The following PSMC6 variants were observed in gnomAD, a reference collection of about 807,000 sequenced individuals.
The protein encoded by PSMC6 is proteasome 26S subunit, ATPase 6.
PSMC6 carries 3 observed loss-of-function variants against 55.9 expected under a neutral mutation model. That is an observed-to-expected ratio of 0.05 (90% CI 0.02 to 0.14). PSMC6 has a LOEUF of 0.14. Among genes scored for constraint, PSMC6 ranks in the 10% least tolerant of loss-of-function variants. The probability of loss-of-function intolerance (pLI) is 1.00; values close to 1 mark genes in which losing one functional copy is unlikely to be tolerated. For synonymous variants in PSMC6, 137 were observed against 155.9 expected (o/e 0.88, Z 0.90); for missense variants, 210 against 478.7 (o/e 0.44, Z 5.24).
intron 4 of PSMC6, 152 bp downstream of exon 4, chr14:52,708,968 T>C: frequency 1.8e-6 from 2 of 1,126,826 alleles, no homozygotes; most frequent in Non-Finnish European, 2.4e-6. Flanking sequence ...TAACAAAGCC[T>C]GAATTCAAAC....
Position 52,708,366 on chromosome 14 carries a change from A to G in PSMC6, c.143A>G (p.Lys48Arg). ...KQYEKSENDL[K>R]ALQSVGQIVG... ...TATGAAAAGTCTGAAAATGATCTGA[A>G]GGCCCTACAGAGTGTTGGGCAGGTA... The change falls in exon 2 of 14, where the codon AAG becomes AGG. Residue 48 changes from lysine to arginine, a missense_variant. Coordinates refer to ENST00000445930, the MANE Select transcript of PSMC6 (RefSeq NM_002806.5). 6.2e-7 allele frequency: 1 copy of G among 1,613,594 alleles called. No homozygotes were observed. The highest frequency in any genetic ancestry group is 1.1e-5 in the South Asian group (1 of 91,070).
intron 10 of PSMC6, among the ~76,000 whole-genome samples, chr14:52,719,554 A>G (rs1472462263): frequency 6.6e-6 from 1 of 152,230 alleles, no homozygotes; most frequent in Non-Finnish European, 1.5e-5. Context: ...ATTCTGTGAA[A>G]GTGATATCAA....
chr14:52,724,655 CTG>C (rs1880331759), intron 13 of PSMC6, among the ~76,000 whole-genome samples: 1 of 152,096 alleles, frequency 6.6e-6, no homozygotes, highest in Non-Finnish European at 1.5e-5. Context: ...ATATAATTCT[CTG>C]TGGATTGTGT....
In PSMC6 at chr14:52,728,237, A is replaced by T. The variant is rs1028974822; in HGVS notation, c.*620A>T. 2 of 152,270 alleles carry T rather than the reference A, an allele frequency of 1.3e-5. No individual in the cohort carries two copies. Among genetic ancestry groups the T allele is most frequent in the African/African-American group, 4.8e-5 (2 of 41,454 alleles). The allele number at this position is 152,270 out of a possible 1,614,324, so 9.4% of individuals were successfully genotyped here. ...ACTGTGATTAAGCTCATTGTTGGTT[A>T]ATTGAAAATATACATGCACATCCAT... On this transcript the variant is annotated 3_prime_UTR_variant, in exon 14 of 14. Coordinates refer to ENST00000445930, the MANE Select transcript of PSMC6 (RefSeq NM_002806.5).
chr14:52,718,380 T>G, intron 9 of PSMC6, 28 bp downstream of exon 9: 2 of 1,589,390 alleles, frequency 1.3e-6, no homozygotes, highest in Non-Finnish European at 1.7e-6. Flanking sequence ...GTTGAAAGTT[T>G]TAGGACTTTT....
chr14:52,724,057 T>G, intron 13 of PSMC6, 21 bp downstream of exon 13: 8 of 1,596,186 alleles, frequency 5.0e-6, no homozygotes, highest in Non-Finnish European at 6.9e-6. Flanking sequence ...AAAGTACAGT[T>G]TTACTATTGA....
At chr14:52,708,612 CAGAG>C (rs113460170) in intron 3 of PSMC6, 90 bp downstream of exon 3, 19 of 1,520,944 alleles carry the variant, frequency 1.2e-5, no homozygotes, top group Admixed American at 5.6e-5. Flanking sequence ...GACAATAATG[CAGAG>C]AGAGAGAGTA....
At position 52,713,900 on chromosome 14, in the gene PSMC6, C is replaced by G. The variant is rs753642513; in HGVS notation, c.461C>G (p.Thr154Arg). The G allele has an allele frequency of 6.3e-7, 1 of 1,593,936 alleles. No individual in the cohort carries two copies. The highest frequency in any genetic ancestry group is 8.6e-7 in the Non-Finnish European group (1 of 1,166,776). ...ELREVIELPL[T>R]NPELFQRVGI... ...TTCTAGGTGATAGAATTACCTCTTA[C>G]AAACCCAGAGTTATTTCAGCGTGTA... The change falls in exon 7 of 14, where the codon ACA (threonine) becomes AGA (arginine). Residue 154 changes from threonine (T) to arginine (R), a missense_variant. Transcript: ENST00000445930.
intron 10 of PSMC6, among the ~76,000 whole-genome samples, chr14:52,720,367 C>CAAAAAAAAAAAAAAAAA (rs71444775): frequency 2.4e-5 from 1 of 41,482 alleles, no homozygotes; most frequent in African/African-American, 8.9e-5. Flanking sequence ...AACTCTGTCT[C>CAAAAAAAAAAAAAAAAA]AAAAAAAAAA....
intron 13 of PSMC6, 42 bp from the exon 14 acceptor site, chr14:52,727,457 C>A: frequency 8.3e-7 from 1 of 1,200,132 alleles, no homozygotes; most frequent in Non-Finnish European, 1.2e-6. Context: ...ACATATAATT[C>A]ATATGTGATA....
intron 4 of PSMC6, chr14:52,709,737 T>C (rs2041745731): frequency 1.6e-5 from 3 of 188,748 alleles, no homozygotes; most frequent in South Asian, 6.9e-5. Context: ...AGATTTTGGC[T>C]TTTTTTTTTT....
At chr14:52,725,898 C>T (rs1348492826) in intron 13 of PSMC6, among the ~76,000 whole-genome samples, 1 of 152,336 alleles carries the variant, frequency 6.6e-6, no homozygotes, top group Middle Eastern at 3.4e-3. Context: ...AATAACTTAC[C>T]TAGTTTCACT....
intron 9 of PSMC6, 31 bp from the exon 10 acceptor site, chr14:52,718,946 T>C (rs757305254): frequency 2.1e-5 from 32 of 1,519,448 alleles, no homozygotes; most frequent in Non-Finnish European, 2.7e-5. Flanking sequence ...AAAAGAGTAA[T>C]GCATATAAAT....
chr14:52,710,933 G>GGTCGCCGT, intron 4 of PSMC6, 168 bp from the exon 5 acceptor site: 10 of 666,374 alleles, frequency 1.5e-5, no homozygotes, highest in South Asian at 5.1e-5. Flanking sequence ...AAATCACTTT[G>GGTCGCCGT]AATTACTTAT....
At chr14:52,723,344 C>T (rs1880275250) in intron 12 of PSMC6, 1 of 152,488 alleles carries the variant, frequency 6.6e-6, no homozygotes, top group South Asian at 2.1e-4. Flanking sequence ...ATTGTTGCTA[C>T]CCCAATCCTA....
At chr14:52,719,840 G>A (rs1178389501) in intron 10 of PSMC6, among the ~76,000 whole-genome samples, 1 of 152,180 alleles carries the variant, frequency 6.6e-6, no homozygotes, top group African/African-American at 2.4e-5. Context: ...TTTGTTAAAT[G>A]CAGTAAGGTT....
In PSMC6 at chr14:52,711,704, T is replaced by G. The variant is rs371454286; in HGVS notation, c.441+180T>G. 1.7e-3 allele frequency among the ~76,000 whole-genome samples: 265 copies of G among 151,638 alleles called. 2 individuals carry two copies. The highest frequency in any genetic ancestry group is 6.2e-3 in the African/African-American group (255 of 41,348). On this transcript the variant is annotated intron_variant, in intron 6 of 13. Coordinates refer to ENST00000445930, the MANE Select transcript of PSMC6 (RefSeq NM_002806.5). The stretch of plus-strand genomic sequence containing the variant: ...GAATTTCTAGCTGTGAAAATTACTG[T>G]TTTTTTTTATTTGGAGATAATTTGG...
At chr14:52,717,900 T>C (rs904179882) in intron 7 of PSMC6, among the ~76,000 whole-genome samples, 181 bp from the exon 8 acceptor site, 1 of 152,002 alleles carries the variant, frequency 6.6e-6, no homozygotes, top group Non-Finnish European at 1.5e-5. Context: ...TGATGGCACA[T>C]GCCTGTCATC....
chr14:52,721,419 G>T (rs2139853903), intron 12 of PSMC6: 1 of 423,584 alleles, frequency 2.4e-6, no homozygotes, highest in East Asian at 3.9e-5. Context: ...TGCCATTAGA[G>T]AACTTATATT....
Sources: gnomAD v4.1 joint callset for allele counts (sites outside exome capture counted in the v4.1 genomes callset) on GRCh38, gnomAD v4.1.1 for gene constraint, MANE v1.5 for transcripts, NCBI Gene and HGNC (gene_info 2026-07-23, HGNC 2026-07-21) for gene names.